RPS6KA2: variants seen among roughly 807,000 people sequenced by gnomAD.
The protein encoded by RPS6KA2 is ribosomal protein S6 kinase alpha-2.
RPS6KA2 carries 42 observed loss-of-function variants against 91.8 expected under a neutral mutation model. The observed-to-expected ratio is 0.46, with a 90% CI of 0.36 to 0.59. The LOEUF (loss-of-function observed/expected upper bound fraction) is 0.59, where lower values mean the gene tolerates loss of function less well. RPS6KA2 is among the 20% of genes least tolerant of loss of function. The pLI is 0.00. For synonymous variants in RPS6KA2, 414 were observed against 393.6 expected (o/e 1.05, Z -0.61); for missense variants, 798 against 978.5 (o/e 0.82, Z 2.46).
chr6:166,685,240 A>G (rs56229247), intron 2 of RPS6KA2, among the ~76,000 whole-genome samples: 13,727 of 102,320 alleles, frequency 0.13, 365 homozygotes, highest in African/African-American at 0.23. Flanking sequence ...GCAGGCTGGG[A>G]GGACAGAGGC....
At position 166,648,135 on chromosome 6, in the gene RPS6KA2, T is replaced by C. The variant is rs1294050248; in HGVS notation, c.124-109351A>G. Among the ~76,000 whole-genome samples, 2 of 121,424 alleles carry C rather than the reference T, an allele frequency of 1.6e-5. No individual in the cohort carries two copies. Among genetic ancestry groups the C allele is most frequent in the East Asian group, 5.1e-4 (2 of 3,884 alleles). The allele number at this position is 121,424 out of a possible 152,430, so 79.7% of individuals were successfully genotyped here. A position where few individuals can be genotyped will look rare whatever the true frequency, so the allele number is the denominator to read the frequency against. On this transcript the variant is annotated intron_variant, in intron 2 of 21. Coordinates refer to the RPS6KA2 transcript ENST00000503859. The surrounding 1 kb of genome is among the most constrained non-coding windows in gnomAD (Gnocchi z 4.8). ...GCACACACACGCTCATACACATACA[T>C]GCACACACGCACATGGTTACACACC... is the stretch of plus-strand genomic sequence containing the variant.
At chr6:166,613,218 G>A (rs1015326575) in intron 1 of RPS6KA2, among the ~76,000 whole-genome samples, 3 of 152,186 alleles carry the variant, frequency 2.0e-5, no homozygotes, top group Admixed American at 2.0e-4. Context: ...GAATGCTTCC[G>A]GTGCTGCATT....
chr6:166,495,307 A>T lies in RPS6KA2; in HGVS notation c.747+3201T>A, dbSNP rs76067534. Among the ~76,000 whole-genome samples, 2 of 152,168 alleles carry T rather than the reference A, an allele frequency of 1.3e-5. No homozygotes were observed. The highest frequency in any genetic ancestry group is 2.1e-4 in the South Asian group (1 of 4,830). On this transcript the variant is annotated intron_variant, in intron 8 of 20. Transcript: ENST00000265678. The surrounding 1 kb of genome is among the most constrained non-coding windows in gnomAD (Gnocchi z 4.4). The stretch of plus-strand genomic sequence containing the variant: ...GCCCTGCCTCGGGCTCGAGAGTGAC[A>T]CAGCAGTTCTGGAGCCGGACCCCTT...
chr6:166,533,977 C>T lies in RPS6KA2; in HGVS notation c.217-2664G>A, dbSNP rs1285017239. Among the ~76,000 whole-genome samples the T allele has an allele frequency of 6.6e-6, 1 of 152,052 alleles. No homozygotes were observed. Among genetic ancestry groups the T allele is most frequent in the Non-Finnish European group, 1.5e-5 (1 of 68,000 alleles). On this transcript the variant is annotated intron_variant, in intron 2 of 20. Transcript: ENST00000265678. This position sits in a 1 kb window ranked among gnomAD's most constrained non-coding sequence, Gnocchi z 4.0. ...GTGGCTCACGCCTGTAATCCCAGCA[C>T]TTTGGGAGGCCGAGGCGGGCGGATC...
intron 2 of RPS6KA2, among the ~76,000 whole-genome samples, chr6:166,794,840 C>T (rs1052974143): frequency 3.0e-5 from 4 of 132,892 alleles, no homozygotes; most frequent in Admixed American, 8.7e-5. Flanking sequence ...GAACATCACA[C>T]TCCGGGGACT....
rs917800285 is a variant in RPS6KA2 at position 166,434,151 on chromosome 6, A to G, written c.1333-1661T>C. Among the ~76,000 whole-genome samples the G allele has an allele frequency of 1.3e-5, 2 of 152,142 alleles. No individual in the cohort carries two copies. The highest frequency in any genetic ancestry group is 1.5e-5 in the Non-Finnish European group (1 of 68,040). On this transcript the variant is annotated intron_variant, in intron 14 of 20. Coordinates refer to ENST00000265678, the MANE Select transcript of RPS6KA2 (RefSeq NM_021135.6). This position sits in a 1 kb window ranked among gnomAD's most constrained non-coding sequence, Gnocchi z 4.4. ...GGTCACCCTTCGTCCACTCCCCGTC[A>G]CCGTTATAAAAACTCACCATAGTGC...
rs1778349321 is a variant in RPS6KA2 at position 166,412,679 on chromosome 6, T to C, written c.*83A>G. 7.2e-7 allele frequency: 1 copy of C among 1,385,612 alleles called. No homozygotes were observed. Among genetic ancestry groups the C allele is most frequent in the East Asian group, 2.5e-5 (1 of 40,344 alleles). 85.8% of individuals were successfully genotyped at this position (1,385,612 alleles called of 1,614,324 possible). ...CTCCCTGCTGGACTTGTGGTCACTC[T>C]GGGTGCCAGACGGGCTCCGAGGCCG... On this transcript the variant is annotated 3_prime_UTR_variant, in exon 21 of 21. Transcript: ENST00000265678. The surrounding 1 kb of genome is among the most constrained non-coding windows in gnomAD (Gnocchi z 4.3).
In RPS6KA2 at chr6:166,554,289, G is replaced by A. The variant is rs570589884; in HGVS notation, c.100-15505C>T. 5.9e-5 allele frequency among the ~76,000 whole-genome samples: 9 copies of A among 152,180 alleles called. No homozygotes were observed. The highest frequency in any genetic ancestry group is 2.1e-4 in the South Asian group (1 of 4,832). On this transcript the variant is annotated intron_variant, in intron 1 of 20. Transcript: ENST00000265678. The surrounding 1 kb of genome is among the most constrained non-coding windows in gnomAD (Gnocchi z 4.3). ...GTAAGAGATCTGCAAAATTTTGCTC[G>A]TTCGTGAGCATTTTAGCTTCTGTTT...
intron 10 of RPS6KA2, among the ~76,000 whole-genome samples, chr6:166,486,402 C>T (rs755213725): frequency 1.4e-3 from 209 of 152,294 alleles, no homozygotes; most frequent in African/African-American, 4.5e-3. Context: ...ATCTCATTGT[C>T]GCCCCCAGCT....
chr6:166,560,011 G>A (rs1461024489), intron 1 of RPS6KA2, among the ~76,000 whole-genome samples: 7 of 152,254 alleles, frequency 4.6e-5, no homozygotes, highest in Admixed American at 1.3e-4. Context: ...GATGCAAACC[G>A]CATGACCTTC....
intron 2 of RPS6KA2, among the ~76,000 whole-genome samples, chr6:166,636,208 G>A (rs989757821): frequency 1.3e-5 from 2 of 152,070 alleles, no homozygotes; most frequent in South Asian, 2.1e-4. Context: ...TCCAGCCTTG[G>A]GTTCTGGCTC....
intron 1 of RPS6KA2, among the ~76,000 whole-genome samples, chr6:166,616,029 C>T (rs1786397372): frequency 6.6e-6 from 1 of 152,160 alleles, no homozygotes; most frequent in Middle Eastern, 3.2e-3. Context: ...TGCGCTAGGC[C>T]TCTACCGTGT....
At chr6:166,498,799 G>T in intron 7 of RPS6KA2, 149 bp from the exon 8 acceptor site, 1 of 1,030,152 alleles carries the variant, frequency 9.7e-7, no homozygotes, top group Non-Finnish European at 1.4e-6. Context: ...GGGACCATGT[G>T]AGTGCTTCCC....
At chr6:166,451,064 C>T (rs1404510886) in intron 13 of RPS6KA2, 39 bp downstream of exon 13, 2 of 1,610,888 alleles carry the variant, frequency 1.2e-6, no homozygotes, top group Admixed American at 1.7e-5. Flanking sequence ...CATCCAAGTG[C>T]CCTCTTACCC....
Position 166,757,108 on chromosome 6 carries a change from C to T in RPS6KA2, c.123+101092G>A, listed in dbSNP as rs182663041. Among the ~76,000 whole-genome samples, 633 of 152,306 alleles carry T rather than the reference C, an allele frequency of 4.2e-3. 1 individual carries two copies. The highest frequency in any genetic ancestry group is 6.3e-3 in the Non-Finnish European group (430 of 68,028). On this transcript the variant is annotated intron_variant, in intron 2 of 21. Coordinates refer to the RPS6KA2 transcript ENST00000503859. ...CAGAAACAATTTTTTAAAGGGCAAA[C>T]TGCTAGCTCTTGAAGAGTTGGTTCT... is the stretch of plus-strand genomic sequence containing the variant.
chr6:166,594,802 C>T (rs1165312240), intron 1 of RPS6KA2, among the ~76,000 whole-genome samples: 1 of 152,224 alleles, frequency 6.6e-6, no homozygotes, highest in Non-Finnish European at 1.5e-5. Flanking sequence ...TAAACTATCA[C>T]TTTCATAGTG....
intron 2 of RPS6KA2, among the ~76,000 whole-genome samples, chr6:166,676,771 C>T (rs570353309): frequency 6.6e-6 from 1 of 152,364 alleles, no homozygotes; most frequent in East Asian, 1.9e-4. Context: ...TATTCACGCT[C>T]AACCAGATTT....
At chr6:166,518,309 G>A (rs1782731665) in intron 3 of RPS6KA2, among the ~76,000 whole-genome samples, 2 of 149,508 alleles carry the variant, frequency 1.3e-5, no homozygotes, top group African/African-American at 4.9e-5. Flanking sequence ...ACACTTATCT[G>A]GTGTCTGGAA....
chr6:166,544,238 G>A (rs531050220), intron 1 of RPS6KA2, among the ~76,000 whole-genome samples: 2 of 152,216 alleles, frequency 1.3e-5, no homozygotes, highest in Admixed American at 6.5e-5. Flanking sequence ...CTACCACGCC[G>A]CTAGAATGGA....
Sources: gnomAD v4.1 joint callset for allele counts (sites outside exome capture counted in the v4.1 genomes callset) on GRCh38, gnomAD v4.1.1 for gene constraint, Gnocchi (gnomAD v3.1) non-coding constraint, MANE v1.5 for transcripts, NCBI Gene and HGNC (gene_info 2026-07-23, HGNC 2026-07-21) for gene names.